CAPN9: variants seen among roughly 807,000 people sequenced by gnomAD.
CAPN9 encodes the protein calpain 9.
A neutral mutation model predicts 92.8 loss-of-function variants in CAPN9; 81 were observed. The observed-to-expected ratio is 0.87, with a 90% CI of 0.73 to 1.05. The LOEUF (loss-of-function observed/expected upper bound fraction) is 1.05, where lower values mean the gene tolerates loss of function less well. Ranked by LOEUF, CAPN9 falls within the 50% of genes least tolerant of loss-of-function variation. The pLI is 0.00. For missense variants in CAPN9, 848 were observed against 866.2 expected (o/e 0.98, Z 0.26); for synonymous variants, 304 against 328.0 (o/e 0.93, Z 0.79).
intron 5 of CAPN9, 111 bp downstream of exon 5, chr1:230,767,820 A>T: frequency 9.8e-7 from 1 of 1,018,674 alleles, no homozygotes; most frequent in South Asian, 1.6e-5. Context: ...AAGGAGGGGC[A>T]TAACTCTTGG....
chr1:230,795,038 G>A lies in CAPN9; in HGVS notation c.1871-125G>A, dbSNP rs1668255744. The stretch of plus-strand genomic sequence containing the variant: ...CTGGGTCTGGGGACCCCAGCTTTGA[G>A]GAGTGAAACAGTGGCTTCCTCTTCT... On this transcript the variant is annotated intron_variant, in intron 17 of 19. Coordinates refer to ENST00000271971, the MANE Select transcript of CAPN9 (RefSeq NM_006615.3). 7.5e-6 allele frequency: 5 copies of A among 670,636 alleles called. No homozygotes were observed. In the South Asian group the frequency reaches 8.6e-5, roughly 12 times the overall value. The allele number at this position is 670,636 out of a possible 1,614,324, so 41.5% of individuals were successfully genotyped here. A position where few individuals can be genotyped will look rare whatever the true frequency, so the allele number is the denominator to read the frequency against.
intron 19 of CAPN9, among the ~76,000 whole-genome samples, chr1:230,800,550 G>A (rs1038934257): frequency 5.9e-5 from 9 of 152,244 alleles, no homozygotes; most frequent in Non-Finnish European, 8.8e-5. Context: ...CACCTCTAAC[G>A]CAAGTGTCCA....
rs777857558 is a variant in CAPN9, at chr1:230,786,061, G to C, written c.1518+44G>C. 2.0e-5 allele frequency: 33 copies of C among 1,611,060 alleles called. No individual in the cohort carries two copies. In the East Asian group the frequency reaches 5.6e-4, roughly 27 times the overall value. ...CTATGGAGTATGGGATTCAGGTGAT[G>C]GTTCTGGAAACCTTCCTTCTAATCA... On this transcript the variant is annotated intron_variant, in intron 12 of 19. Coordinates refer to ENST00000271971, the MANE Select transcript of CAPN9 (RefSeq NM_006615.3).
At chr1:230,748,433 A>C (rs1204831767) in intron 1 of CAPN9, among the ~76,000 whole-genome samples, 1 of 152,102 alleles carries the variant, frequency 6.6e-6, no homozygotes, top group Non-Finnish European at 1.5e-5. Context: ...CGGGCCTGGG[A>C]GTGGCTCCTG....
intron 1 of CAPN9, among the ~76,000 whole-genome samples, chr1:230,754,163 G>A (rs531201692): frequency 6.0e-4 from 91 of 152,148 alleles, no homozygotes; most frequent in African/African-American, 2.1e-3. Context: ...CGAGAGCACC[G>A]CCCTCCGCGT....
intron 1 of CAPN9, 72 bp downstream of exon 1, chr1:230,747,781 A>G (rs1297233147): frequency 7.1e-7 from 1 of 1,402,888 alleles, no homozygotes; most frequent in Non-Finnish European, 1.0e-6. Flanking sequence ...AAGTGGAAAC[A>G]GGGGTGCTGG....
intron 9 of CAPN9, 152 bp from the exon 10 acceptor site, chr1:230,780,027 T>G: frequency 1.6e-6 from 1 of 610,242 alleles, no homozygotes; most frequent in Non-Finnish European, 2.8e-6. Context: ...GGAGAGAAGG[T>G]ATTACTTTCT....
At position 230,769,246 on chromosome 1, in the gene CAPN9, G is replaced by T. The variant is rs1391635182; in HGVS notation, c.772G>T (p.Val258Leu). The T allele has an allele frequency of 7.4e-6, 12 of 1,613,764 alleles. No individual in the cohort carries two copies. Among genetic ancestry groups the T allele is most frequent in the Admixed American group, 1.7e-5 (1 of 59,986 alleles). ...FGLIKGHAYS[V>L]TGIDQVSFRG... ...TCTTATTAAGGGTCATGCCTACAGT[G>T]TAACGGGAATTGACCAGGTAGGCGA... Residue 258 changes from valine (V) to leucine (L), a missense_variant, in exon 6 of 20, where the codon GTA (valine) becomes TTA (leucine). By Grantham distance (32) the Val-to-Leu change is conservative. Coordinates refer to ENST00000271971, the MANE Select transcript of CAPN9 (RefSeq NM_006615.3).
Position 230,786,009 on chromosome 1 carries a change from C to T in CAPN9, c.1510C>T (p.Leu504Phe). Residue 504 changes from leucine (L) to phenylalanine (F), a missense_variant, in exon 12 of 20, where the codon CTT becomes TTT. Leu to Phe is a conservative substitution (Grantham distance 22). Coordinates refer to ENST00000271971, the MANE Select transcript of CAPN9 (RefSeq NM_006615.3). ...TATGGATGGAAATGTAGACATTGAC[C>T]TTCCTGAGGTGAGTCTTCTGATGTT... ...RDMDGNVDIDLPEPPKPTPPD... is the reference protein window; with the variant it reads ...RDMDGNVDIDFPEPPKPTPPD... 1 of 1,613,944 alleles carries T rather than the reference C, an allele frequency of 6.2e-7. No homozygotes were observed. Among genetic ancestry groups the T allele is most frequent in the Non-Finnish European group, 8.5e-7 (1 of 1,179,834 alleles).
At chr1:230,785,173 A>G (rs191862790) in intron 11 of CAPN9, among the ~76,000 whole-genome samples, 2 of 152,268 alleles carry the variant, frequency 1.3e-5, no homozygotes, top group Admixed American at 1.3e-4. Context: ...TGGAATTTGT[A>G]TATCTTGGAA....
chr1:230,766,996 A>G lies in CAPN9; in HGVS notation c.537-545A>G, dbSNP rs548934584. ...TTCTAAATTGAAAAGCTTATTTAAA[A>G]ATCAAGCAGAGCACATATATGTAAA... On this transcript the variant is annotated intron_variant, in intron 4 of 19. Transcript: ENST00000271971. Among the ~76,000 whole-genome samples the G allele has an allele frequency of 9.2e-5, 14 of 152,320 alleles. No homozygotes were observed. The South Asian group carries it at 2.9e-3, about 32-fold the overall frequency.
At chr1:230,783,523 C>T (rs1667371013) in intron 11 of CAPN9, among the ~76,000 whole-genome samples, 1 of 152,164 alleles carries the variant, frequency 6.6e-6, no homozygotes, top group African/African-American at 2.4e-5. Flanking sequence ...CCTGCTCCTG[C>T]TTTTGCCATG....
intron 19 of CAPN9, among the ~76,000 whole-genome samples, chr1:230,800,065 C>G (rs1447191400): frequency 6.6e-6 from 1 of 151,840 alleles, no homozygotes; most frequent in Non-Finnish European, 1.5e-5. Context: ...GTAGTCCCAG[C>G]TACTCGGGAG....
chr1:230,790,007 C>A, intron 13 of CAPN9, 125 bp from the exon 14 acceptor site: 2 of 699,056 alleles, frequency 2.9e-6, no homozygotes, highest in Middle Eastern at 2.4e-4. Context: ...CATCTGCCCA[C>A]AGCAGGGTCC....
chr1:230,772,150 C>G (rs758245815), intron 7 of CAPN9, 51 bp downstream of exon 7: 1 of 1,491,984 alleles, frequency 6.7e-7, no homozygotes, highest in Non-Finnish European at 9.4e-7. Context: ...CGTGTGGGGC[C>G]AGAGCTGGCT....
At chr1:230,783,305 T>A (rs1185047502) in intron 11 of CAPN9, among the ~76,000 whole-genome samples, 2 of 152,214 alleles carry the variant, frequency 1.3e-5, no homozygotes, top group African/African-American at 2.4e-5. Context: ...AAATCCAGAA[T>A]TCACAAGTTC....
At chr1:230,770,849 T>C (rs2102871979) in intron 6 of CAPN9, among the ~76,000 whole-genome samples, 1 of 152,264 alleles carries the variant, frequency 6.6e-6, no homozygotes, top group Non-Finnish European at 1.5e-5. Flanking sequence ...TTGAGTGACA[T>C]CCTCTGAATG....
At chr1:230,759,361 G>A (rs983688656) in intron 2 of CAPN9, 151 bp from the exon 3 acceptor site, 2 of 600,946 alleles carry the variant, frequency 3.3e-6, no homozygotes, top group Non-Finnish European at 5.8e-6. Context: ...AAGGGGAGGA[G>A]AGAGTTATTT....
intron 5 of CAPN9, among the ~76,000 whole-genome samples, chr1:230,768,017 TAAATA>T (rs1666106276): frequency 1.7e-5 from 1 of 60,202 alleles, no homozygotes; most frequent in African/African-American, 7.6e-5. Flanking sequence ...GTATAATAAA[TAAATA>T]AATAAATAAA....
Sources: allele counts gnomAD v4.1 joint callset (sites outside exome capture counted in the v4.1 genomes callset), GRCh38; gene constraint gnomAD v4.1.1; transcripts MANE v1.5; gene names NCBI Gene and HGNC (gene_info 2026-07-23, HGNC 2026-07-21).